The following ANKRD30B variants were observed in gnomAD, a reference collection of about 807,000 sequenced individuals.
The protein encoded by ANKRD30B is ankyrin repeat domain 30B, also known as ankyrin repeat domain-containing protein 30B.
In ANKRD30B, 144 loss-of-function variants were observed where a neutral mutation model predicts 202.2. The ratio of observed to expected loss-of-function variants is 0.71; its 90% CI spans 0.62 to 0.82. ANKRD30B has a LOEUF of 0.82. Ranked by LOEUF, ANKRD30B falls within the 40% of genes least tolerant of loss-of-function variation. The pLI, the probability that ANKRD30B is intolerant of heterozygous loss-of-function variation, is 0.00. For synonymous variants in ANKRD30B, 508 were observed against 561.3 expected (o/e 0.91, Z 1.34); for missense variants, 1,487 against 1,669.1 (o/e 0.89, Z 1.90).
the ANKRD30B span, among the ~76,000 whole-genome samples, chr18:14,934,761 T>G: frequency 6.6e-6 from 1 of 152,044 alleles, no homozygotes. Flanking sequence ...CAGCCAGAAC[T>G]GCTGAAACAG....
At chr18:14,868,031 C>A in the ANKRD30B span, among the ~76,000 whole-genome samples, 1 of 152,184 alleles carries the variant, frequency 6.6e-6, no homozygotes, top group Non-Finnish European at 1.5e-5. Flanking sequence ...GTTGTGGCAG[C>A]CATGGTGATG....
intron 24 of ANKRD30B, among the ~76,000 whole-genome samples, chr18:14,806,948 G>A (rs1169643657): frequency 2.0e-5 from 3 of 150,748 alleles, no homozygotes; most frequent in African/African-American, 4.9e-5. Flanking sequence ...TTAATGAATC[G>A]AGAACGACCT....
chr18:14,913,208 G>T, the ANKRD30B span, among the ~76,000 whole-genome samples: 1 of 152,168 alleles, frequency 6.6e-6, no homozygotes, highest in Non-Finnish European at 1.5e-5. Flanking sequence ...CTCAGTGCTG[G>T]CAGCCTACAG....
At chr18:14,768,341 T>G (rs1468617556) in intron 7 of ANKRD30B, among the ~76,000 whole-genome samples, 1 of 152,210 alleles carries the variant, frequency 6.6e-6, no homozygotes, top group Non-Finnish European at 1.5e-5. Flanking sequence ...TCCTTTGTGA[T>G]ACCCTTCATA....
chr18:14,832,943 T>G (rs11875515), intron 34 of ANKRD30B, among the ~76,000 whole-genome samples: 126 of 152,270 alleles, frequency 8.3e-4, no homozygotes, highest in Middle Eastern at 3.4e-3. Context: ...TTTGTTTGCT[T>G]TTTGTTTTTT....
chr18:14,805,376 G>T (rs183808901), intron 24 of ANKRD30B, among the ~76,000 whole-genome samples: 14 of 150,702 alleles, frequency 9.3e-5, no homozygotes, highest in African/African-American at 3.2e-4. Context: ...CAATATTGAG[G>T]GCCAATTAAA....
At chr18:14,932,211 G>A in the ANKRD30B span, among the ~76,000 whole-genome samples, 1 of 151,694 alleles carries the variant, frequency 6.6e-6, no homozygotes, top group Non-Finnish European at 1.5e-5. Context: ...GAGGTGGGGT[G>A]GGGGGCTCCT....
the ANKRD30B span, among the ~76,000 whole-genome samples, chr18:14,876,902 A>G: frequency 2.7e-5 from 4 of 149,958 alleles, 1 homozygote; most frequent in South Asian, 8.6e-4. Context: ...CGCAAAGTTC[A>G]AATGTAATCT....
rs553995646 is a variant in ANKRD30B, at chr18:14,749,342, G to A, written c.221+702G>A. On this transcript the variant is annotated intron_variant, in intron 1 of 43. Coordinates refer to ENST00000690538, the MANE Select transcript of ANKRD30B (RefSeq NM_001367607.2). ...AAATATTTTGTAATGGAGTAGAAAA[G>A]TCTTGCCCTTCTAGATATCAAAATG... Among the ~76,000 whole-genome samples, 7 of 152,268 alleles carry A rather than the reference G, an allele frequency of 4.6e-5. No homozygotes were observed. In the South Asian group the frequency reaches 1.0e-3, roughly 23 times the overall value.
chr18:14,822,757 ATGT>A (rs879860386), intron 32 of ANKRD30B, 80 bp downstream of exon 32: 11 of 1,310,230 alleles, frequency 8.4e-6, no homozygotes, highest in African/African-American at 3.0e-5. Flanking sequence ...TTTATTCCCA[ATGT>A]TGTTTTCTTT....
chr18:14,881,918 C>A, the ANKRD30B span, among the ~76,000 whole-genome samples: 11 of 151,704 alleles, frequency 7.3e-5, no homozygotes, highest in Non-Finnish European at 1.3e-4. Flanking sequence ...CCTTGAATAA[C>A]CTTTAATATT....
chr18:14,784,252 T>G (rs150693597), intron 12 of ANKRD30B, 84 bp from the exon 13 acceptor site: 29 of 1,359,676 alleles, frequency 2.1e-5, no homozygotes, highest in African/African-American at 2.9e-5. Context: ...CCAAGAGGAC[T>G]CAGTTAGATA....
At position 14,825,897 on chromosome 18, in the gene ANKRD30B, GTCAT is replaced by G. The variant is rs201716044; in HGVS notation, c.2744-2376_2744-2373del. ...AGCTAGGGGAGAGAAGAAATTTCAG[GTCAT>G]TCATAAGTTTCCACATGGGGAATGC... On this transcript the variant is annotated intron_variant, in intron 32 of 43. Transcript: ENST00000690538. Among the ~76,000 whole-genome samples, 720 of 152,234 alleles carry G rather than the reference GTCAT, an allele frequency of 4.7e-3. 3 individuals are homozygous for G. The highest frequency in any genetic ancestry group is 0.017 in the African/African-American group (687 of 41,544).
At position 14,851,655 on chromosome 18, in the gene ANKRD30B, T is replaced by C; in HGVS notation, c.3711T>C (p.Ile1237=). 1.2e-6 allele frequency: 2 copies of C among 1,610,994 alleles called. No homozygotes were observed. Among genetic ancestry groups the C allele is most frequent in the East Asian group, 2.2e-5 (1 of 44,848 alleles). ...KENKYFEDIK[I]LQEKNAELQM... ...ATAAATACTTTGAGGACATTAAGAT[T>C]TTACAAGAAAAGAATGCTGAACTTC... Residue 1237 remains isoleucine, a synonymous_variant, in exon 42 of 44, where the codon ATT becomes ATC. Transcript: ENST00000690538.
chr18:14,767,720 T>G (rs185315943), intron 7 of ANKRD30B, among the ~76,000 whole-genome samples: 1 of 127,246 alleles, frequency 7.9e-6, no homozygotes, highest in Admixed American at 7.7e-5. Flanking sequence ...GATGGGCAGA[T>G]AGCATATGCA....
chr18:14,866,352 A>T, the ANKRD30B span, among the ~76,000 whole-genome samples: 1 of 152,054 alleles, frequency 6.6e-6, no homozygotes, highest in Admixed American at 6.5e-5. Context: ...GAGTGGTAGG[A>T]GGGTGGCCTG....
At chr18:14,766,493 A>AAAAAAGAAAAGAAAAGAAAAG (rs1567989711) in intron 7 of ANKRD30B, among the ~76,000 whole-genome samples, 57 of 85,064 alleles carry the variant, frequency 6.7e-4, no homozygotes, top group Non-Finnish European at 1.2e-3. Flanking sequence ...AAAAAAAAAA[A>AAAAAAGAAAAGAAAAGAAAAG]AAAAGAAAAG....
the ANKRD30B span, among the ~76,000 whole-genome samples, chr18:14,892,796 T>C: frequency 2.1e-5 from 3 of 144,090 alleles, no homozygotes; most frequent in South Asian, 6.7e-4. Context: ...TGAATTCCTA[T>C]AATTCTAGCT....
chr18:14,934,578 C>G, the ANKRD30B span, among the ~76,000 whole-genome samples: 1 of 152,070 alleles, frequency 6.6e-6, no homozygotes, highest in Non-Finnish European at 1.5e-5. Flanking sequence ...CAGGAGCCAC[C>G]GATGCATCAG....
Sources: allele counts gnomAD v4.1 joint callset (sites outside exome capture counted in the v4.1 genomes callset), GRCh38; gene constraint gnomAD v4.1.1; transcripts MANE v1.5; gene names NCBI Gene and HGNC (gene_info 2026-07-23, HGNC 2026-07-21).